The following CADPS variants were observed in gnomAD, a reference collection of about 807,000 sequenced individuals.
The protein encoded by CADPS is calcium dependent secretion activator.
Under a neutral mutation model 167.3 loss-of-function variants are expected in CADPS, and 57 were observed. That is an observed-to-expected ratio of 0.34 (90% CI 0.28 to 0.42). The LOEUF is 0.42. CADPS is among the 20% of genes least tolerant of loss of function. The pLI, the probability that CADPS is intolerant of heterozygous loss-of-function variation, is 1.00. For missense variants in CADPS, 1,414 were observed against 1,738.1 expected, an observed-to-expected ratio of 0.81 and a Z score of 3.32; for synonymous variants, 676 against 635.3, an observed-to-expected ratio of 1.06 and a Z score of -0.96.
At position 62,780,500 on chromosome 3, in the gene CADPS, A is replaced by G. The variant is rs557503087; in HGVS notation, c.442-14516T>C. Among the ~76,000 whole-genome samples, 134 of 152,326 alleles carry G rather than the reference A, an allele frequency of 8.8e-4. 2 individuals are homozygous for G. Among genetic ancestry groups the G allele is most frequent in the African/African-American group, 3.0e-3 (123 of 41,584 alleles). ...TAGTTTGTGATGAAGAGCATTGTGT[A>G]ACAAGCTTGGAGAATGAGGTCCTCT... On this transcript the variant is annotated intron_variant, in intron 1 of 29. Transcript: ENST00000383710.
chr3:62,606,850 G>A (rs868230247), intron 6 of CADPS, among the ~76,000 whole-genome samples: 1 of 152,186 alleles, frequency 6.6e-6, no homozygotes, highest in African/African-American at 2.4e-5. Flanking sequence ...AATGAACTAT[G>A]TGGAGTAGAC....
chr3:62,512,836 G>A, intron 16 of CADPS, 68 bp from the exon 17 acceptor site: 2 of 1,389,812 alleles, frequency 1.4e-6, no homozygotes, highest in South Asian at 1.3e-5. Flanking sequence ...CAGAATTAAT[G>A]AGCAAGTGGA....
intron 1 of CADPS, among the ~76,000 whole-genome samples, chr3:62,824,403 G>A (rs2152952323): frequency 6.6e-6 from 1 of 152,292 alleles, no homozygotes; most frequent in Middle Eastern, 3.4e-3. Flanking sequence ...GGGAACAAAT[G>A]TAAGCTTTAT....
chr3:62,636,921 T>A (rs2066422088), intron 6 of CADPS, among the ~76,000 whole-genome samples: 1 of 152,172 alleles, frequency 6.6e-6, no homozygotes, highest in African/African-American at 2.4e-5. Context: ...TCCCTTCTAC[T>A]TTGGCACCCT....
chr3:62,516,373 G>C (rs763321435), intron 15 of CADPS, among the ~76,000 whole-genome samples, 191 bp from the exon 16 acceptor site: 2 of 152,162 alleles, frequency 1.3e-5, no homozygotes, highest in African/African-American at 2.4e-5. Flanking sequence ...GAAGGGCTAG[G>C]AACATATCTT....
intron 11 of CADPS, among the ~76,000 whole-genome samples, chr3:62,538,901 C>T (rs2075224169): frequency 6.6e-6 from 1 of 152,102 alleles, no homozygotes; most frequent in South Asian, 2.1e-4. Flanking sequence ...CAGACCCACT[C>T]CCCACCCCTC....
chr3:62,692,129 C>T lies in CADPS; in HGVS notation c.889-29735G>A, dbSNP rs77445880. Among the ~76,000 whole-genome samples, 33 of 151,960 alleles carry T rather than the reference C, an allele frequency of 2.2e-4. No homozygotes were observed. The East Asian group carries it at 6.0e-3, about 28-fold the overall frequency. On this transcript the variant is annotated intron_variant, in intron 3 of 29. Transcript: ENST00000383710. Reference sequence around the variant, plus strand: ...GATGATGGTATTTTAGATCAGTCCTCAAACTGGTCAACATCTGAACTGCCT... The same window carrying T: ...GATGATGGTATTTTAGATCAGTCCTTAAACTGGTCAACATCTGAACTGCCT...
chr3:62,656,747 CA>C (rs1412468189), intron 4 of CADPS, among the ~76,000 whole-genome samples: 1 of 152,136 alleles, frequency 6.6e-6, no homozygotes, highest in Non-Finnish European at 1.5e-5. Context: ...ATTAATTTGT[CA>C]AAATAGGCAT....
At chr3:62,683,071 G>A (rs954997608) in intron 3 of CADPS, among the ~76,000 whole-genome samples, 1 of 152,060 alleles carries the variant, frequency 6.6e-6, no homozygotes, top group African/African-American at 2.4e-5. Flanking sequence ...CTGGAGTAAG[G>A]GTGAGGAGGA....
chr3:62,581,121 T>C (rs2083346154), intron 8 of CADPS, among the ~76,000 whole-genome samples: 1 of 152,144 alleles, frequency 6.6e-6, no homozygotes, highest in South Asian at 2.1e-4. Context: ...AAAGAAGAAG[T>C]TTCTTGCATT....
intron 3 of CADPS, among the ~76,000 whole-genome samples, chr3:62,748,593 T>A (rs1257533625): frequency 6.6e-6 from 1 of 152,138 alleles, no homozygotes; most frequent in Non-Finnish European, 1.5e-5. Flanking sequence ...AAAATGTTTT[T>A]AAATATCATA....
chr3:62,549,400 T>C lies in CADPS; in HGVS notation c.1966+503A>G, dbSNP rs146190944. ...TTAAGGAGACAGTTTCATTTTTGGG[T>C]CTTCGGTATTTTAGCTCGGAATGGG... On this transcript the variant is annotated intron_variant, in intron 11 of 29. Transcript: ENST00000383710. 8.5e-3 allele frequency among the ~76,000 whole-genome samples: 1,291 copies of C among 151,104 alleles called. 12 individuals are homozygous for C. Among genetic ancestry groups the C allele is most frequent in the Non-Finnish European group, 0.014 (949 of 67,908 alleles).
At chr3:62,645,927 T>A (rs991641745) in intron 5 of CADPS, 84 bp from the exon 6 acceptor site, 20 of 1,525,416 alleles carry the variant, frequency 1.3e-5, no homozygotes, top group Admixed American at 8.9e-5. Context: ...AATGAGAAGC[T>A]ACAGAGAAAA....
At chr3:62,506,116 G>A (rs968066826) in intron 17 of CADPS, among the ~76,000 whole-genome samples, 8 of 152,256 alleles carry the variant, frequency 5.3e-5, no homozygotes, top group East Asian at 1.9e-4. Flanking sequence ...ACAGCTGTGC[G>A]CGGTGGCTCA....
intron 2 of CADPS, among the ~76,000 whole-genome samples, chr3:62,759,923 G>A (rs943486527): frequency 1.3e-4 from 20 of 152,120 alleles, no homozygotes; most frequent in African/African-American, 4.3e-4. Context: ...AAAATAAAAT[G>A]TATTTTCAAA....
chr3:62,795,888 G>GTTCCC lies in CADPS; in HGVS notation c.442-29905_442-29904insGGGAA, dbSNP rs1298401874. The stretch of plus-strand genomic sequence containing the variant: ...GAGGTAACAGAGTAGAGAAGACTGG[G>GTTCCC]ACCATATTCCAGGTGGAGGGAACAA... On this transcript the variant is annotated intron_variant, in intron 1 of 29. Transcript: ENST00000383710. Among the ~76,000 whole-genome samples, 332 of 152,290 alleles carry GTTCCC rather than the reference G, an allele frequency of 2.2e-3. 6 individuals are homozygous for GTTCCC. The highest frequency in any genetic ancestry group is 1.6e-3 in the Non-Finnish European group (112 of 68,020).
chr3:62,602,559 C>G lies in CADPS; in HGVS notation c.1326-9811G>C, dbSNP rs1036587161. ...GAGGTGGACTGCATGATATTCCACTCCAAGGGAATCAATTGTGCCATCGCA... is the reference window on the plus strand; with the variant it reads ...GAGGTGGACTGCATGATATTCCACTGCAAGGGAATCAATTGTGCCATCGCA... On this transcript the variant is annotated intron_variant, in intron 6 of 29. Coordinates refer to ENST00000383710, the MANE Select transcript of CADPS (RefSeq NM_003716.4). This position sits in a 1 kb window ranked among gnomAD's most constrained non-coding sequence, Gnocchi z 4.4. Among the ~76,000 whole-genome samples, 1 of 152,122 alleles carries G rather than the reference C, an allele frequency of 6.6e-6. No homozygotes were observed. The highest frequency in any genetic ancestry group is 6.6e-5 in the Admixed American group (1 of 15,260).
rs377053320 is a variant in CADPS at position 62,565,018 on chromosome 3, T to TAC, written c.1644+5852_1644+5853dup. On this transcript the variant is annotated intron_variant, in intron 9 of 29. Transcript: ENST00000383710. Reference sequence around the variant, plus strand: ...GTTGGCCTGTTTTCACTGTTCTCCTTACACACACACACGGGGTGGGGCGTT... The same window carrying TAC: ...GTTGGCCTGTTTTCACTGTTCTCCTTACACACACACACACGGGGTGGGGCGTT... Among the ~76,000 whole-genome samples, 7 of 152,212 alleles carry TAC rather than the reference T, an allele frequency of 4.6e-5. No individual in the cohort carries two copies. In the South Asian group the frequency reaches 6.2e-4, roughly 14 times the overall value.
intron 6 of CADPS, among the ~76,000 whole-genome samples, chr3:62,594,928 C>G (rs1010444237): frequency 1.3e-5 from 2 of 152,184 alleles, no homozygotes; most frequent in Non-Finnish European, 2.9e-5. Context: ...TATCACTATT[C>G]ACTTTTTCTT....
Sources: allele counts gnomAD v4.1 joint callset (sites outside exome capture counted in the v4.1 genomes callset), GRCh38; gene constraint gnomAD v4.1.1; non-coding constraint Gnocchi (gnomAD v3.1); transcripts MANE v1.5; gene names NCBI Gene and HGNC (gene_info 2026-07-23, HGNC 2026-07-21).